NRG1: variants seen among roughly 807,000 people sequenced by gnomAD.
NRG1 encodes the protein pro-neuregulin-1, membrane-bound isoform.
A neutral mutation model predicts 63.8 loss-of-function variants in NRG1; 18 were observed. The ratio of observed to expected loss-of-function variants is 0.28; its 90% CI spans 0.19 to 0.42. NRG1 has a LOEUF of 0.42. NRG1 is among the 10% of genes least tolerant of loss of function. The probability of loss-of-function intolerance (pLI) is 1.00; values close to 1 mark genes in which losing one functional copy is unlikely to be tolerated. For missense variants in NRG1, 762 were observed against 814.7 expected, an observed-to-expected ratio of 0.94 and a Z score of 0.79; for synonymous variants, 302 against 301.3, an observed-to-expected ratio of 1.00 and a Z score of -0.02.
At chr8:32,584,150 C>T (rs930945854) in intron 1 of NRG1, among the ~76,000 whole-genome samples, 1 of 152,136 alleles carries the variant, frequency 6.6e-6, no homozygotes, top group African/African-American at 2.4e-5. Context: ...CTTTGGAGGA[C>T]AGTACGGGAA....
At chr8:32,002,569 C>T (rs905494236) in intron 1 of NRG1, among the ~76,000 whole-genome samples, 1 of 151,530 alleles carries the variant, frequency 6.6e-6, no homozygotes, top group African/African-American at 2.4e-5. Flanking sequence ...CGACATGATT[C>T]TCCAGGCTTA....
intron 1 of NRG1, among the ~76,000 whole-genome samples, chr8:31,677,555 G>T (rs985836879): frequency 1.3e-5 from 2 of 152,130 alleles, no homozygotes; most frequent in African/African-American, 4.8e-5. Context: ...GCAGTGAGCT[G>T]AGATCATGCC....
intron 1 of NRG1, among the ~76,000 whole-genome samples, chr8:32,008,951 C>T (rs1166024712): frequency 6.6e-6 from 1 of 152,032 alleles, no homozygotes; most frequent in African/African-American, 2.4e-5. Context: ...CCAGGTATAT[C>T]CACATATATC....
chr8:32,043,883 A>G (rs987671345), intron 1 of NRG1, among the ~76,000 whole-genome samples: 1 of 151,904 alleles, frequency 6.6e-6, no homozygotes, highest in Non-Finnish European at 1.5e-5. Flanking sequence ...AAGCTAAAAC[A>G]GAGGAATAAA....
At chr8:32,366,781 A>G (rs999736540) in intron 1 of NRG1, among the ~76,000 whole-genome samples, 5 of 147,694 alleles carry the variant, frequency 3.4e-5, no homozygotes, top group Non-Finnish European at 7.4e-5. Flanking sequence ...GTGCAATCTC[A>G]GCTAACTGCA....
rs149152663 is a variant in NRG1 at position 31,977,846 on chromosome 8, TA to T, written c.37+338418del. ...TTCTTCATTTATTCTTTATTCCTAC[TA>T]AATCAGAAATACCAAATTCATAAGT... On this transcript the variant is annotated intron_variant, in intron 1 of 10. Transcript: ENST00000519301. Among the ~76,000 whole-genome samples the T allele has an allele frequency of 7.9e-5, 12 of 152,190 alleles. No homozygotes were observed. In the East Asian group the frequency reaches 2.3e-3, roughly 29 times the overall value.
intron 1 of NRG1, among the ~76,000 whole-genome samples, chr8:32,358,514 A>G (rs571111440): frequency 6.6e-6 from 1 of 152,154 alleles, no homozygotes; most frequent in Non-Finnish European, 1.5e-5. Context: ...GAAAGTATTT[A>G]AGGAATATCA....
intron 2 of NRG1, among the ~76,000 whole-genome samples, chr8:32,598,220 T>C (rs1405132737): frequency 6.6e-6 from 1 of 152,090 alleles, no homozygotes; most frequent in Non-Finnish European, 1.5e-5. Flanking sequence ...TTGGAAGTTA[T>C]GTATTGAAAC....
chr8:32,447,244 T>G (rs1457515535), intron 1 of NRG1, among the ~76,000 whole-genome samples: 1 of 151,826 alleles, frequency 6.6e-6, no homozygotes, highest in Non-Finnish European at 1.5e-5. Context: ...AGGCTGGTCT[T>G]GAACTCCTGA....
At chr8:32,387,662 A>G (rs1811187700) in intron 1 of NRG1, among the ~76,000 whole-genome samples, 1 of 152,114 alleles carries the variant, frequency 6.6e-6, no homozygotes, top group African/African-American at 2.4e-5. Flanking sequence ...AATGAAGTTC[A>G]TGTCCCAACC....
chr8:32,595,224 C>CT (rs1843144251), intron 1 of NRG1, among the ~76,000 whole-genome samples: 1 of 151,990 alleles, frequency 6.6e-6, no homozygotes, highest in Non-Finnish European at 1.5e-5. Context: ...GAATCTCACT[C>CT]TGTCACCCAG....
intron 1 of NRG1, among the ~76,000 whole-genome samples, chr8:31,710,107 T>G (rs926983300): frequency 2.6e-5 from 4 of 151,802 alleles, no homozygotes; most frequent in African/African-American, 9.7e-5. Flanking sequence ...GTATGATGTT[T>G]CCATTAATAT....
At chr8:32,188,120 G>A (rs1842142334) in intron 1 of NRG1, among the ~76,000 whole-genome samples, 1 of 151,666 alleles carries the variant, frequency 6.6e-6, no homozygotes, top group Non-Finnish European at 1.5e-5. Flanking sequence ...AGGCTGGAGT[G>A]CAATGGTGTG....
intron 1 of NRG1, among the ~76,000 whole-genome samples, chr8:31,922,137 T>C (rs1193317321): frequency 2.0e-5 from 3 of 152,218 alleles, no homozygotes; most frequent in Admixed American, 6.5e-5. Flanking sequence ...CAGGAGCAAG[T>C]GAACTTGGCA....
intron 1 of NRG1, among the ~76,000 whole-genome samples, chr8:32,334,588 T>A (rs1284469424): frequency 2.0e-5 from 3 of 152,188 alleles, no homozygotes; most frequent in Non-Finnish European, 2.9e-5. Flanking sequence ...CCTTTAGGCA[T>A]GTAAGATCTT....
intron 1 of NRG1, among the ~76,000 whole-genome samples, chr8:31,886,975 G>A (rs1830768231): frequency 6.6e-6 from 1 of 152,042 alleles, no homozygotes; most frequent in Admixed American, 6.6e-5. Flanking sequence ...CTCTCTGATG[G>A]CTTTCTGCAC....
At chr8:31,841,962 A>G (rs1356485849) in intron 1 of NRG1, among the ~76,000 whole-genome samples, 3 of 152,184 alleles carry the variant, frequency 2.0e-5, no homozygotes, top group South Asian at 2.1e-4. Flanking sequence ...CAATATGTAC[A>G]AGAGACAGAG....
At chr8:32,327,430 C>T (rs1230319520) in intron 1 of NRG1, among the ~76,000 whole-genome samples, 1 of 152,176 alleles carries the variant, frequency 6.6e-6, no homozygotes, top group Non-Finnish European at 1.5e-5. Context: ...AAGTTATAGT[C>T]TCTGCTCTTT....
chr8:32,393,319 C>G (rs769881316), intron 1 of NRG1, among the ~76,000 whole-genome samples: 8 of 152,170 alleles, frequency 5.3e-5, no homozygotes, highest in Non-Finnish European at 1.0e-4. Flanking sequence ...TGAGTCTCAA[C>G]AGAAGCTTGT....
Sources: allele counts gnomAD v4.1 joint callset (sites outside exome capture counted in the v4.1 genomes callset), GRCh38; gene constraint gnomAD v4.1.1; transcripts MANE v1.5; gene names NCBI Gene and HGNC (gene_info 2026-07-23, HGNC 2026-07-21).